Variants in SLX4IP observed in about 807,000 individuals in gnomAD.
SLX4IP encodes SLX4 interacting protein.
A neutral mutation model predicts 32.9 loss-of-function variants in SLX4IP; 34 were observed. That is an observed-to-expected ratio of 1.03 (90% CI 0.79 to 1.38). SLX4IP has a LOEUF of 1.38. SLX4IP is among the 40% of genes most tolerant of loss of function. The pLI is 0.00. For synonymous variants in SLX4IP, 172 were observed against 171.7 expected (o/e 1.00, Z -0.01); for missense variants, 444 against 479.0 (o/e 0.93, Z 0.68).
At chr20:10,555,401 G>A (rs960084245) in intron 2 of SLX4IP, among the ~76,000 whole-genome samples, 1 of 152,140 alleles carries the variant, frequency 6.6e-6, no homozygotes, top group African/African-American at 2.4e-5. Context: ...ACTTTTCACA[G>A]GGTCTGTAAC....
chr20:10,485,622 A>G (rs1454755130), intron 2 of SLX4IP, among the ~76,000 whole-genome samples: 12 of 151,914 alleles, frequency 7.9e-5, no homozygotes. Flanking sequence ...CTCTGTCAAA[A>G]AAAAAAAAAA....
intron 2 of SLX4IP, among the ~76,000 whole-genome samples, chr20:10,475,117 G>A (rs2065464015): frequency 6.6e-6 from 1 of 152,228 alleles, no homozygotes; most frequent in Non-Finnish European, 1.5e-5. Flanking sequence ...GCTTTCAGCA[G>A]AGTTCCCTGG....
At chr20:10,615,438 C>T (rs1389459095) in intron 6 of SLX4IP, among the ~76,000 whole-genome samples, 1 of 152,172 alleles carries the variant, frequency 6.6e-6, no homozygotes, top group Admixed American at 6.5e-5. Context: ...AGTCTCTTTT[C>T]CTGAATCCTC....
intron 6 of SLX4IP, among the ~76,000 whole-genome samples, chr20:10,616,346 G>A (rs768816881): frequency 4.0e-5 from 6 of 148,354 alleles, no homozygotes; most frequent in Non-Finnish European, 5.9e-5. Context: ...CCTCTACAAC[G>A]CCCAAGGTAT....
At chr20:10,556,466 C>G in intron 3 of SLX4IP, 146 bp downstream of exon 3, 1 of 764,882 alleles carries the variant, frequency 1.3e-6, no homozygotes, top group South Asian at 1.7e-5. Context: ...CAATGACAGA[C>G]ACATATGCAC....
At chr20:10,455,862 C>T (rs959702328) in intron 1 of SLX4IP, among the ~76,000 whole-genome samples, 4 of 152,058 alleles carry the variant, frequency 2.6e-5, no homozygotes, top group African/African-American at 9.7e-5. Context: ...TTGCTAGCCT[C>T]GGCCTCCCAA....
At chr20:10,600,576 TAGTG>T (rs2066829660) in intron 5 of SLX4IP, among the ~76,000 whole-genome samples, 1 of 152,196 alleles carries the variant, frequency 6.6e-6, no homozygotes. Context: ...GCTAGTCTAG[TAGTG>T]TAAGGTGTTA....
chr20:10,512,781 T>TATATATATATAA, intron 2 of SLX4IP, among the ~76,000 whole-genome samples: 1 of 6,630 alleles, frequency 1.5e-4, no homozygotes, highest in East Asian at 2.9e-3. Context: ...ACACACTCTA[T>TATATATATATAA]ATATATATAT....
At chr20:10,536,544 T>C (rs1211202178) in intron 2 of SLX4IP, among the ~76,000 whole-genome samples, 1 of 152,178 alleles carries the variant, frequency 6.6e-6, no homozygotes, top group Non-Finnish European at 1.5e-5. Flanking sequence ...AAGCCAGCAG[T>C]TCTGCAGGCA....
chr20:10,445,573 C>T (rs2065195440), intron 1 of SLX4IP, among the ~76,000 whole-genome samples: 3 of 150,138 alleles, frequency 2.0e-5, no homozygotes, highest in Non-Finnish European at 4.4e-5. Context: ...CCTCAGCCTC[C>T]CAAAGTGCTG....
intron 4 of SLX4IP, among the ~76,000 whole-genome samples, chr20:10,562,170 C>G (rs1295668700): frequency 6.6e-6 from 1 of 152,194 alleles, no homozygotes; most frequent in African/African-American, 2.4e-5. Context: ...CGATTAGGCC[C>G]TCTGCCTTAT....
At chr20:10,510,996 C>G (rs1204547478) in intron 2 of SLX4IP, among the ~76,000 whole-genome samples, 1 of 152,188 alleles carries the variant, frequency 6.6e-6, no homozygotes, top group Non-Finnish European at 1.5e-5. Flanking sequence ...GCCAAAACCA[C>G]TGGGCCTGTT....
chr20:10,620,906 A>G (rs963843806), intron 6 of SLX4IP, among the ~76,000 whole-genome samples: 8 of 152,118 alleles, frequency 5.3e-5, no homozygotes, highest in Non-Finnish European at 8.8e-5. Flanking sequence ...AATTCTTAGG[A>G]TGATAAGGGT....
chr20:10,534,530 G>A (rs2066020856), intron 2 of SLX4IP, among the ~76,000 whole-genome samples: 1 of 152,184 alleles, frequency 6.6e-6, no homozygotes, highest in Admixed American at 6.5e-5. Flanking sequence ...CGTAAAGAAG[G>A]AGCCTCGAGT....
chr20:10,603,818 A>G (rs1027837690), intron 6 of SLX4IP, among the ~76,000 whole-genome samples: 1 of 152,142 alleles, frequency 6.6e-6, no homozygotes, highest in Non-Finnish European at 1.5e-5. Context: ...TACTAGAAGC[A>G]ATAAAAGACC....
chr20:10,603,096 A>C (rs1471664282), intron 6 of SLX4IP, among the ~76,000 whole-genome samples: 1 of 152,280 alleles, frequency 6.6e-6, no homozygotes, highest in Non-Finnish European at 1.5e-5. Context: ...TGGCAATGCC[A>C]TTGGCATACA....
At chr20:10,550,390 A>G (rs1255352806) in intron 2 of SLX4IP, among the ~76,000 whole-genome samples, 2 of 152,126 alleles carry the variant, frequency 1.3e-5, no homozygotes, top group African/African-American at 4.8e-5. Flanking sequence ...CGTGGTAGAA[A>G]CGGACCACAT....
chr20:10,485,437 A>G (rs1397805695), intron 2 of SLX4IP, among the ~76,000 whole-genome samples: 1 of 151,952 alleles, frequency 6.6e-6, no homozygotes, highest in Non-Finnish European at 1.5e-5. Context: ...CCCTTTCTCT[A>G]CTACACTGTC....
intron 2 of SLX4IP, among the ~76,000 whole-genome samples, chr20:10,534,532 G>A (rs1222261063): frequency 6.6e-6 from 1 of 152,176 alleles, no homozygotes; most frequent in African/African-American, 2.4e-5. Flanking sequence ...TAAAGAAGGA[G>A]CCTCGAGTCA....
Sources: allele counts gnomAD v4.1 joint callset (sites outside exome capture counted in the v4.1 genomes callset), GRCh38; gene constraint gnomAD v4.1.1; transcripts MANE v1.5; gene names NCBI Gene and HGNC (gene_info 2026-07-23, HGNC 2026-07-21).